TMEM131L: variants seen among roughly 807,000 people sequenced by gnomAD.
TMEM131L encodes transmembrane 131 like, also known as transmembrane protein 131-like.
A neutral mutation model predicts 192.2 loss-of-function variants in TMEM131L; 54 were observed. That is an observed-to-expected ratio of 0.28 (90% CI 0.23 to 0.35). The LOEUF (loss-of-function observed/expected upper bound fraction) is 0.35. TMEM131L is among the 10% of genes least tolerant of loss of function. The pLI is 1.00. For missense variants in TMEM131L, 1,888 were observed against 1,972.9 expected (o/e 0.96, Z 0.82); for synonymous variants, 701 against 704.9 (o/e 0.99, Z 0.09).
intron 3 of TMEM131L, among the ~76,000 whole-genome samples, chr4:153,493,748 A>G (rs1168544196): frequency 6.6e-6 from 1 of 152,098 alleles, no homozygotes; most frequent in Middle Eastern, 3.2e-3. Context: ...GAGTTGCCAA[A>G]CCTCTCCATG....
chr4:153,535,304 C>A (rs989955175), intron 3 of TMEM131L, among the ~76,000 whole-genome samples: 2 of 152,070 alleles, frequency 1.3e-5, no homozygotes, highest in African/African-American at 4.8e-5. Flanking sequence ...CAGTTTCACA[C>A]CTGTTGAGTT....
At chr4:153,560,960 A>G (rs963792045) in intron 7 of TMEM131L, among the ~76,000 whole-genome samples, 2 of 152,198 alleles carry the variant, frequency 1.3e-5, no homozygotes, top group Admixed American at 6.5e-5. Context: ...AGGAACTGTA[A>G]AACTGTTTTC....
chr4:153,608,137 C>CA (rs1350905811), intron 25 of TMEM131L, among the ~76,000 whole-genome samples: 4 of 151,028 alleles, frequency 2.6e-5, no homozygotes, highest in African/African-American at 9.7e-5. Flanking sequence ...AAAGCAAAAA[C>CA]AAAAAATGAA....
intron 7 of TMEM131L, among the ~76,000 whole-genome samples, chr4:153,577,498 A>T (rs1730033375): frequency 6.6e-6 from 1 of 152,112 alleles, no homozygotes; most frequent in South Asian, 2.1e-4. Flanking sequence ...TGTTGCAAGT[A>T]CTCAACTCTG....
intron 3 of TMEM131L, among the ~76,000 whole-genome samples, chr4:153,495,193 T>TAGTC (rs1295475179): frequency 1.3e-5 from 2 of 152,092 alleles, no homozygotes; most frequent in Middle Eastern, 3.2e-3. Flanking sequence ...TATGCACCAG[T>TAGTC]AGTCCCAGCT....
At chr4:153,486,490 G>T (rs1732339827) in intron 3 of TMEM131L, among the ~76,000 whole-genome samples, 1 of 152,204 alleles carries the variant, frequency 6.6e-6, no homozygotes, top group Non-Finnish European at 1.5e-5. Flanking sequence ...CACTTAACAA[G>T]AAGCCTGGAG....
intron 7 of TMEM131L, among the ~76,000 whole-genome samples, chr4:153,576,791 CTTTT>C (rs1434717915): frequency 6.7e-6 from 1 of 150,242 alleles, no homozygotes; most frequent in East Asian, 1.9e-4. Flanking sequence ...GGTTTTTATT[CTTTT>C]ATTTTGTAGG....
intron 7 of TMEM131L, among the ~76,000 whole-genome samples, chr4:153,564,287 CA>C (rs1178320668): frequency 0.031 from 540 of 17,640 alleles, 1 homozygote; most frequent in East Asian, 0.099. Flanking sequence ...AACTCCGTCT[CA>C]AAAAAAAAAA....
chr4:153,552,945 G>T (rs6831425), intron 4 of TMEM131L, among the ~76,000 whole-genome samples: 8,181 of 69,078 alleles, frequency 0.12, 563 homozygotes, highest in African/African-American at 0.46. Flanking sequence ...TATTTTTTGT[G>T]TTTTTTTTTT....
At chr4:153,634,149 T>TTG (rs763682544) in intron 32 of TMEM131L, 43 bp from the exon 33 acceptor site, 16 of 1,506,884 alleles carry the variant, frequency 1.1e-5, no homozygotes, top group Non-Finnish European at 1.5e-5. Flanking sequence ...ACTTGATGTC[T>TTG]TGACATCCTG....
Position 153,598,727 on chromosome 4 carries a change from G to A in TMEM131L, c.2261G>A (p.Arg754His), listed in dbSNP as rs142713810. 2.3e-5 allele frequency: 37 copies of A among 1,612,650 alleles called. No individual in the cohort carries two copies. The East Asian group carries it at 2.9e-4, about 13-fold the overall frequency. Residue 754 changes from arginine (R) to histidine (H), a missense_variant, in exon 21 of 35, where the codon CGT becomes CAT. Physicochemically the swap from Arg to His is conservative, Grantham distance 29 (BLOSUM62 0). Coordinates refer to ENST00000409959, the MANE Select transcript of TMEM131L (RefSeq NM_001131007.2). Reference protein sequence around the residue: ...KVPESTLMDCRRQLKDSKQIL... With the variant: ...KVPESTLMDCHRQLKDSKQIL... Reference sequence around the variant, plus strand: ...CCCGAGTCCACGCTGATGGACTGCCGTAGACGTGAGTTCATATGTGTGGCA... The same window carrying A: ...CCCGAGTCCACGCTGATGGACTGCCATAGACGTGAGTTCATATGTGTGGCA...
At chr4:153,569,492 C>T (rs542950328) in intron 7 of TMEM131L, among the ~76,000 whole-genome samples, 3 of 152,260 alleles carry the variant, frequency 2.0e-5, no homozygotes, top group South Asian at 2.1e-4. Flanking sequence ...CTGCAATATC[C>T]GGTACAGTTT....
In TMEM131L at chr4:153,589,120, G is replaced by C. The variant is rs142310299; in HGVS notation, c.1670+113G>C. 6.3e-6 allele frequency: 4 copies of C among 633,640 alleles called. No homozygotes were observed. The South Asian group carries it at 7.5e-5, about 12-fold the overall frequency. 39.3% of individuals were successfully genotyped at this position (633,640 alleles called of 1,614,324 possible). On this transcript the variant is annotated intron_variant, in intron 16 of 34. Transcript: ENST00000409959. Reference sequence around the variant, plus strand: ...ACCCCCCTCTCACCCCACCGTAGATGCCTGAAACTGTAGCAGACCCTATAT... The same window carrying C: ...ACCCCCCTCTCACCCCACCGTAGATCCCTGAAACTGTAGCAGACCCTATAT...
intron 26 of TMEM131L, among the ~76,000 whole-genome samples, chr4:153,613,951 T>C (rs1369944657): frequency 6.6e-6 from 1 of 152,252 alleles, no homozygotes; most frequent in Non-Finnish European, 1.5e-5. Context: ...ACAGTCTGTT[T>C]GGAAAGACAA....
chr4:153,629,288 C>T (rs552076953), intron 31 of TMEM131L, among the ~76,000 whole-genome samples: 1 of 152,296 alleles, frequency 6.6e-6, no homozygotes, highest in South Asian at 2.1e-4. Flanking sequence ...TGGTTACAGG[C>T]CTTCAGCAAG....
chr4:153,530,640 ACT>A (rs1314212022), intron 3 of TMEM131L, among the ~76,000 whole-genome samples: 1 of 152,062 alleles, frequency 6.6e-6, no homozygotes, highest in East Asian at 1.9e-4. Context: ...AGCACATTTC[ACT>A]CATGCAAGTT....
intron 19 of TMEM131L, 150 bp downstream of exon 19, chr4:153,594,021 AT>A: frequency 1.6e-6 from 1 of 616,566 alleles, no homozygotes; most frequent in Middle Eastern, 2.6e-4. Context: ...TACATAGCAG[AT>A]TTTTCCAGTT....
In TMEM131L at chr4:153,466,376, G is replaced by C. The variant is rs191995605; in HGVS notation, c.-22G>C. 3.2e-3 allele frequency: 4,075 copies of C among 1,280,126 alleles called. 120 individuals carry two copies. In the African/African-American group the frequency reaches 0.056, roughly 18 times the overall value. The allele number at this position is 1,280,126 out of a possible 1,614,324, so 79.3% of individuals were successfully genotyped here. A position where few individuals can be genotyped will look rare whatever the true frequency, so the allele number is the denominator to read the frequency against. On this transcript the variant is annotated 5_prime_UTR_variant, in exon 1 of 35. Coordinates refer to ENST00000409959, the MANE Select transcript of TMEM131L (RefSeq NM_001131007.2). ...GCTAGCGGCGAGCGCGGCGAGCAAC[G>C]GAGAGGAGCGCGAGCAGCAGCATGG...
chr4:153,515,689 T>G (rs1275985862), intron 3 of TMEM131L, among the ~76,000 whole-genome samples: 1 of 152,214 alleles, frequency 6.6e-6, no homozygotes, highest in Non-Finnish European at 1.5e-5. Context: ...ACCTTACTTT[T>G]CATACATGAC....
Sources: gnomAD v4.1 joint callset for allele counts (sites outside exome capture counted in the v4.1 genomes callset) on GRCh38, gnomAD v4.1.1 for gene constraint, MANE v1.5 for transcripts, NCBI Gene and HGNC (gene_info 2026-07-23, HGNC 2026-07-21) for gene names.